The following PCNX2 variants were observed in gnomAD, a reference collection of about 807,000 sequenced individuals.
PCNX2 encodes pecanex-like protein 2.
In PCNX2, 168 loss-of-function variants were observed where a neutral mutation model predicts 223.8. That is an observed-to-expected ratio of 0.75 (90% CI 0.66 to 0.85). The LOEUF (loss-of-function observed/expected upper bound fraction) is 0.85, where lower values mean the gene tolerates loss of function less well. PCNX2 is among the 40% of genes least tolerant of loss of function. The pLI is 0.00. For missense variants in PCNX2, 2,507 were observed against 2,675.5 expected (o/e 0.94, Z 1.39); for synonymous variants, 1,006 against 1,052.6 (o/e 0.96, Z 0.86).
At chr1:233,080,049 C>T (rs1451904211) in intron 23 of PCNX2, among the ~76,000 whole-genome samples, 1 of 152,108 alleles carries the variant, frequency 6.6e-6, no homozygotes, top group African/African-American at 2.4e-5. Flanking sequence ...GTAAGTCTTC[C>T]CAGAGTGAAA....
At chr1:233,141,187 T>A (rs1266306381) in intron 19 of PCNX2, among the ~76,000 whole-genome samples, 1 of 152,182 alleles carries the variant, frequency 6.6e-6, no homozygotes, top group East Asian at 1.9e-4. Flanking sequence ...TATCCAAGAT[T>A]AGCATACAAA....
At position 232,984,269 on chromosome 1, in the gene PCNX2, G is replaced by T. The variant is rs571456837; in HGVS notation, c.*35C>A. The T allele has an allele frequency of 4.1e-5, 63 of 1,543,548 alleles. No individual in the cohort carries two copies. The African/African-American group carries it at 7.6e-4, about 19-fold the overall frequency. ...GGAGAGCAATGCAGGTGGGAGGTGT[G>T]GGGGAGCCAGCCTCCCCGCCCGGCC... is the stretch of plus-strand genomic sequence containing the variant. On this transcript the variant is annotated 3_prime_UTR_variant, in exon 34 of 34. Coordinates refer to ENST00000258229, the MANE Select transcript of PCNX2 (RefSeq NM_014801.4).
At chr1:233,137,462 T>C (rs755059366) in intron 20 of PCNX2, among the ~76,000 whole-genome samples, 5 of 152,266 alleles carry the variant, frequency 3.3e-5, no homozygotes, top group Admixed American at 6.5e-5. Flanking sequence ...CTTTCCTAAA[T>C]GTATGTATCA....
intron 15 of PCNX2, among the ~76,000 whole-genome samples, chr1:233,185,814 A>T (rs1680065236): frequency 6.6e-6 from 1 of 152,222 alleles, no homozygotes; most frequent in Non-Finnish European, 1.5e-5. Flanking sequence ...TAACATCTCT[A>T]ATTGCTCTGA....
At chr1:233,266,369 C>T (rs1660332393) in intron 1 of PCNX2, among the ~76,000 whole-genome samples, 1 of 152,054 alleles carries the variant, frequency 6.6e-6, no homozygotes, top group African/African-American at 2.4e-5. Flanking sequence ...TAATTAATAC[C>T]TCTCCCTTCA....
chr1:233,150,758 C>A (rs899620914), intron 19 of PCNX2, among the ~76,000 whole-genome samples: 2 of 138,504 alleles, frequency 1.4e-5, no homozygotes, highest in African/African-American at 5.5e-5. Context: ...ATTTTTTTTT[C>A]ATTAGTTCAG....
chr1:233,045,504 G>A (rs1229845185), intron 25 of PCNX2, among the ~76,000 whole-genome samples: 1 of 152,012 alleles, frequency 6.6e-6, no homozygotes, highest in Non-Finnish European at 1.5e-5. Context: ...TGAAATTTGG[G>A]GCCTAATAGT....
upstream of PCNX2, among the ~76,000 whole-genome samples, chr1:233,299,205 C>T (rs1262383283): frequency 2.0e-5 from 3 of 152,170 alleles, no homozygotes; most frequent in African/African-American, 2.4e-5. Context: ...CTAAATTCCT[C>T]CTCCTCTCAT....
intron 21 of PCNX2, among the ~76,000 whole-genome samples, chr1:233,106,653 A>C (rs1674802647): frequency 6.6e-6 from 1 of 152,076 alleles, no homozygotes. Flanking sequence ...TAAAGGTCTT[A>C]TAATCTTGTG....
At chr1:233,193,784 GT>G (rs1680555302) in intron 15 of PCNX2, among the ~76,000 whole-genome samples, 1 of 152,116 alleles carries the variant, frequency 6.6e-6, no homozygotes, top group Admixed American at 6.5e-5. Flanking sequence ...TCTTTCGTGA[GT>G]TTATCATCGG....
At chr1:233,301,795 C>CTTT in the PCNX2 span, among the ~76,000 whole-genome samples, 4,682 of 132,388 alleles carry the variant, frequency 0.035, 250 homozygotes, top group African/African-American at 0.094. Context: ...AGGGAACAAG[C>CTTT]TTTTTTTTTT....
chr1:233,204,813 A>G lies in PCNX2; in HGVS notation c.2863+3705T>C, dbSNP rs149903374. 5.1e-4 allele frequency among the ~76,000 whole-genome samples: 78 copies of G among 152,304 alleles called. No individual in the cohort carries two copies. In the East Asian group the frequency reaches 0.014, roughly 28 times the overall value. ...ATTTAATCGGCTTGCTGGATTATTT[A>G]TCGCCATTTTTACTTGTCACTGTTG... On this transcript the variant is annotated intron_variant, in intron 13 of 33. Coordinates refer to ENST00000258229, the MANE Select transcript of PCNX2 (RefSeq NM_014801.4).
chr1:233,273,939 G>A (rs1473518141), intron 1 of PCNX2, among the ~76,000 whole-genome samples: 1 of 152,056 alleles, frequency 6.6e-6, no homozygotes, highest in Non-Finnish European at 1.5e-5. Context: ...GGCATTTTGA[G>A]CCTAATAATT....
chr1:233,090,207 A>T lies in PCNX2; in HGVS notation c.3947-17T>A. 6.2e-7 allele frequency: 1 copy of T among 1,600,358 alleles called. No individual in the cohort carries two copies. The highest frequency in any genetic ancestry group is 8.5e-7 in the Non-Finnish European group (1 of 1,176,564). Reference sequence around the variant, plus strand: ...TGGCAGAATCTGAGAATGTTGAGTTAAGGCAAAAAAAAAAATTATGATTCT... The same window carrying T: ...TGGCAGAATCTGAGAATGTTGAGTTTAGGCAAAAAAAAAAATTATGATTCT... On this transcript the variant is annotated splice_polypyrimidine_tract_variant and intron_variant, in intron 22 of 33. Transcript: ENST00000258229.
intron 9 of PCNX2, among the ~76,000 whole-genome samples, chr1:233,235,959 T>TA (rs34854755): frequency 0.19 from 8,524 of 45,970 alleles, 872 homozygotes; most frequent in African/African-American, 0.33. Context: ...TAAAAAAAAA[T>TA]ATATATATAT....
intron 4 of PCNX2, 64 bp downstream of exon 4, chr1:233,261,221 T>C: frequency 1.4e-6 from 2 of 1,425,886 alleles, no homozygotes; most frequent in East Asian, 4.6e-5. Flanking sequence ...TTCTGTTTTA[T>C]AAAAATATTT....
At chr1:233,288,681 C>T (rs943429044) in intron 1 of PCNX2, among the ~76,000 whole-genome samples, 1 of 152,064 alleles carries the variant, frequency 6.6e-6, no homozygotes, top group Non-Finnish European at 1.5e-5. Flanking sequence ...CTGCACATGC[C>T]GTCCACAGAG....
chr1:233,022,695 CT>C (rs372153367), intron 26 of PCNX2, among the ~76,000 whole-genome samples: 2,900 of 128,508 alleles, frequency 0.023, 27 homozygotes, highest in Middle Eastern at 0.04. Flanking sequence ...CTTTTTCTTT[CT>C]TTTTTTTTTT....
intron 15 of PCNX2, among the ~76,000 whole-genome samples, chr1:233,179,842 T>G (rs1406651432): frequency 6.6e-6 from 1 of 152,242 alleles, no homozygotes; most frequent in Non-Finnish European, 1.5e-5. Context: ...TGTTATTGCT[T>G]CCTTAAACCT....
Sources: allele counts gnomAD v4.1 joint callset (sites outside exome capture counted in the v4.1 genomes callset), GRCh38; gene constraint gnomAD v4.1.1; transcripts MANE v1.5; gene names NCBI Gene and HGNC (gene_info 2026-07-23, HGNC 2026-07-21).